FBXO36: variants seen among roughly 807,000 people sequenced by gnomAD.
FBXO36 encodes the protein F-box only protein 36.
In FBXO36, 18 loss-of-function variants were observed where a neutral mutation model predicts 17.0. The ratio of observed to expected loss-of-function variants is 1.06; its 90% CI spans 0.73 to 1.57. The LOEUF (loss-of-function observed/expected upper bound fraction) is 1.57. Ranked by LOEUF, FBXO36 falls within the 40% of genes most tolerant of loss-of-function variation. The probability of loss-of-function intolerance (pLI) is 0.00; values close to 1 mark genes in which losing one functional copy is unlikely to be tolerated. For missense variants in FBXO36, 229 were observed against 221.9 expected, an observed-to-expected ratio of 1.03 and a Z score of -0.20; for synonymous variants, 83 against 85.3, an observed-to-expected ratio of 0.97 and a Z score of 0.15.
At chr2:230,001,910 C>G (rs2077361109) in intron 3 of FBXO36, among the ~76,000 whole-genome samples, 1 of 152,098 alleles carries the variant, frequency 6.6e-6, no homozygotes, top group African/African-American at 2.4e-5. Flanking sequence ...CTCCGCCTCC[C>G]AGGTTCAAGC....
chr2:229,976,486 C>T (rs772574119), intron 2 of FBXO36, 137 bp downstream of exon 2: 6 of 624,532 alleles, frequency 9.6e-6, no homozygotes, highest in Non-Finnish European at 1.6e-5. Flanking sequence ...ATGTTAGATT[C>T]TTAAAAACTA....
At chr2:229,995,389 G>T (rs560752710) in intron 2 of FBXO36, among the ~76,000 whole-genome samples, 1 of 152,012 alleles carries the variant, frequency 6.6e-6, no homozygotes, top group Non-Finnish European at 1.5e-5. Context: ...TTCCTAATTT[G>T]AAAATAAGTG....
intron 1 of FBXO36, among the ~76,000 whole-genome samples, chr2:229,939,703 T>C (rs1273461425): frequency 6.6e-6 from 1 of 152,166 alleles, no homozygotes; most frequent in African/African-American, 2.4e-5. Context: ...TTACTTACTG[T>C]CTTCCACACG....
At position 229,952,833 on chromosome 2, in the gene FBXO36, C is replaced by T. The variant is rs182077396; in HGVS notation, c.97-23408C>T. Among the ~76,000 whole-genome samples the T allele has an allele frequency of 1.3e-4, 20 of 152,264 alleles. No individual in the cohort carries two copies. The East Asian group carries it at 2.7e-3, about 21-fold the overall frequency. On this transcript the variant is annotated intron_variant, in intron 1 of 3. Transcript: ENST00000283946. ...GATAACGAACTACAGATGGGATGGA[C>T]GCCATCTTACCTGATGCTGGCCAGT...
At chr2:229,999,770 A>G (rs1192637486) in intron 3 of FBXO36, among the ~76,000 whole-genome samples, 4 of 151,994 alleles carry the variant, frequency 2.6e-5, no homozygotes, top group African/African-American at 9.7e-5. Flanking sequence ...CTCATGTCAC[A>G]GGGTTTTTTT....
intron 2 of FBXO36, among the ~76,000 whole-genome samples, chr2:229,980,473 G>A (rs1294689481): frequency 6.6e-6 from 1 of 152,130 alleles, no homozygotes; most frequent in Non-Finnish European, 1.5e-5. Flanking sequence ...ACAAAAACCT[G>A]GAGATGGGGA....
At chr2:229,929,461 G>T (rs1181822968) in intron 1 of FBXO36, among the ~76,000 whole-genome samples, 2 of 152,132 alleles carry the variant, frequency 1.3e-5, no homozygotes, top group African/African-American at 4.8e-5. Flanking sequence ...AGCTACTGGG[G>T]AGGCTGAGGC....
chr2:229,985,526 T>G (rs1191397853), intron 2 of FBXO36, among the ~76,000 whole-genome samples: 2 of 152,154 alleles, frequency 1.3e-5, no homozygotes, highest in Non-Finnish European at 2.9e-5. Context: ...TCAGCTGCCC[T>G]TTGTCTTCAG....
chr2:229,973,939 A>G (rs557828755), intron 1 of FBXO36, among the ~76,000 whole-genome samples: 1 of 151,848 alleles, frequency 6.6e-6, no homozygotes, highest in South Asian at 2.1e-4. Context: ...GGTCCCAGCT[A>G]CTCAGGAGGC....
chr2:229,980,798 T>G (rs891157208), intron 2 of FBXO36, among the ~76,000 whole-genome samples: 2 of 152,106 alleles, frequency 1.3e-5, no homozygotes, highest in African/African-American at 4.8e-5. Context: ...AGCCAAGGCA[T>G]GTACTAACCA....
rs1434004965 is a variant in FBXO36 at position 230,011,191 on chromosome 2, A to C, written c.*307A>C. 1.5e-5 allele frequency: 3 copies of C among 195,442 alleles called. No homozygotes were observed. Among genetic ancestry groups the C allele is most frequent in the African/African-American group, 7.0e-5 (3 of 43,066 alleles). 12.1% of individuals were successfully genotyped at this position (195,442 alleles called of 1,614,324 possible). A position where few individuals can be genotyped will look rare whatever the true frequency, so the allele number is the denominator to read the frequency against. On this transcript the variant is annotated 3_prime_UTR_variant, in exon 4 of 4. Coordinates refer to ENST00000283946, the MANE Select transcript of FBXO36 (RefSeq NM_174899.5). ...AGAGGTTTCTATTGTATATAAACAA[A>C]CAATAAATGATTATTAGCAGGTTTT...
intron 1 of FBXO36, among the ~76,000 whole-genome samples, chr2:229,947,935 C>T (rs1159981353): frequency 6.6e-6 from 1 of 152,146 alleles, no homozygotes; most frequent in Non-Finnish European, 1.5e-5. Flanking sequence ...TTTGACTCTG[C>T]AGCACTGAAA....
rs2077423172 is a variant in FBXO36 at position 230,012,949 on chromosome 2, T to C, written c.*2065T>C. The C allele has an allele frequency of 6.6e-6, 1 of 151,148 alleles. No homozygotes were observed. The highest frequency in any genetic ancestry group is 2.4e-5 in the African/African-American group (1 of 41,274). 9.4% of individuals were successfully genotyped at this position (151,148 alleles called of 1,614,324 possible). A position where few individuals can be genotyped will look rare whatever the true frequency, so the allele number is the denominator to read the frequency against. The stretch of plus-strand genomic sequence containing the variant: ...TGTATATACCTACTCACATATATAT[T>C]ATACTTACGATATATACTTATATGT... On this transcript the variant is annotated 3_prime_UTR_variant, in exon 4 of 4. Coordinates refer to ENST00000283946, the MANE Select transcript of FBXO36 (RefSeq NM_174899.5).
rs1196383425 is a variant in FBXO36, at chr2:230,010,752, C to T, written c.435C>T (p.Ile145=). The change falls in exon 4 of 4, where the codon ATC becomes ATT. Residue 145 remains isoleucine (I), a synonymous_variant. Transcript: ENST00000283946. ...TAGTCCAGTCGACCTGCGACACCATCACTCCTGACGTGAGGGCCCTGGCGG... is the reference window on the plus strand; with the variant it reads ...TAGTCCAGTCGACCTGCGACACCATTACTCCTGACGTGAGGGCCCTGGCGG... ...EQIVQSTCDT[I]TPDVRALAED... 1.2e-6 allele frequency: 2 copies of T among 1,613,686 alleles called. No individual in the cohort carries two copies. Among genetic ancestry groups the T allele is most frequent in the African/African-American group, 2.7e-5 (2 of 74,930 alleles).
At chr2:229,994,563 C>G (rs1577359904) in intron 2 of FBXO36, among the ~76,000 whole-genome samples, 1 of 152,188 alleles carries the variant, frequency 6.6e-6, no homozygotes, top group Non-Finnish European at 1.5e-5. Context: ...CTGCAGGGAG[C>G]CTATTGCCCT....
At chr2:229,976,513 T>C (rs1485035191) in intron 2 of FBXO36, 164 bp downstream of exon 2, 2 of 589,350 alleles carry the variant, frequency 3.4e-6, no homozygotes, top group East Asian at 6.1e-5. Flanking sequence ...TGTTGTTTTT[T>C]TCTCTTGGAA....
intron 1 of FBXO36, chr2:229,932,937 C>A: frequency 3.7e-6 from 1 of 272,922 alleles, no homozygotes; most frequent in Non-Finnish European, 7.7e-6. Context: ...CGTGGTGATG[C>A]ACGCCTGTAA....
At chr2:229,994,283 C>T (rs538151543) in intron 2 of FBXO36, among the ~76,000 whole-genome samples, 1 of 152,264 alleles carries the variant, frequency 6.6e-6, no homozygotes, top group South Asian at 2.1e-4. Context: ...TTTGAAAGGG[C>T]TATTCCTCAC....
chr2:229,938,410 T>C (rs2076977749), intron 1 of FBXO36, among the ~76,000 whole-genome samples: 1 of 143,118 alleles, frequency 7.0e-6, no homozygotes. Flanking sequence ...TTTGTATAGG[T>C]GGGGTTGTAG....
Sources: allele counts gnomAD v4.1 joint callset (sites outside exome capture counted in the v4.1 genomes callset), GRCh38; gene constraint gnomAD v4.1.1; transcripts MANE v1.5; gene names NCBI Gene and HGNC (gene_info 2026-07-23, HGNC 2026-07-21).